Variants in RABL6 observed in about 807,000 individuals in gnomAD.
The protein encoded by RABL6 is RAB, member RAS oncogene family like 6.
A neutral mutation model predicts 72.9 loss-of-function variants in RABL6; 28 were observed. The ratio of observed to expected loss-of-function variants is 0.38; its 90% CI spans 0.28 to 0.53. The LOEUF (loss-of-function observed/expected upper bound fraction) is 0.53. Ranked by LOEUF, RABL6 falls within the 20% of genes least tolerant of loss-of-function variation. The pLI, the probability that RABL6 is intolerant of heterozygous loss-of-function variation, is 0.80. For missense variants in RABL6, 1,029 were observed against 1,008.4 expected, an observed-to-expected ratio of 1.02 and a Z score of -0.28; for synonymous variants, 477 against 421.2, an observed-to-expected ratio of 1.13 and a Z score of -1.62.
At chr9:136,821,466 G>A (rs1232003341) in intron 1 of RABL6, 13 of 985,318 alleles carry the variant, frequency 1.3e-5, no homozygotes, top group African/African-American at 5.2e-5. Flanking sequence ...CCGCGGGACG[G>A]ACGTGGATGG....
At chr9:136,837,159 G>C in intron 8 of RABL6, 187 bp from the exon 9 acceptor site, 1 of 743,230 alleles carries the variant, frequency 1.3e-6, no homozygotes, top group Non-Finnish European at 2.4e-6. Context: ...ACAGGCATGA[G>C]CCACCGTGCC....
chr9:136,831,269 C>T (rs1473692580), intron 5 of RABL6, among the ~76,000 whole-genome samples: 3 of 152,224 alleles, frequency 2.0e-5, no homozygotes, highest in African/African-American at 7.2e-5. Context: ...AAACAGCCCG[C>T]TTCACCGGCA....
intron 5 of RABL6, among the ~76,000 whole-genome samples, chr9:136,829,733 C>A (rs550251522): frequency 6.6e-6 from 1 of 152,378 alleles, no homozygotes; most frequent in South Asian, 2.1e-4. Flanking sequence ...GGGCAAGGCA[C>A]GCACCTTCCA....
rs2131145404 is a variant in RABL6 at position 136,808,090 on chromosome 9, G to A, written c.-107G>A. ...CCCGGCCTCTGGCCGCGCCGGCTCC[G>A]GCCTCCGGGGGGGCCGGGGCCGCCG... On this transcript the variant is annotated 5_prime_UTR_variant, in exon 1 of 15. Transcript: ENST00000311502. The A allele has an allele frequency of 8.3e-7, 1 of 1,210,600 alleles. No homozygotes were observed. The highest frequency in any genetic ancestry group is 3.0e-5 in the South Asian group (1 of 33,424). The allele number at this position is 1,210,600 out of a possible 1,614,324, so 75.0% of individuals were successfully genotyped here. A position where few individuals can be genotyped will look rare whatever the true frequency, so the allele number is the denominator to read the frequency against.
intron 1 of RABL6, among the ~76,000 whole-genome samples, chr9:136,810,355 C>CA (rs754640449): frequency 6.6e-6 from 1 of 152,056 alleles, no homozygotes; most frequent in Non-Finnish European, 1.5e-5. Context: ...AGCCAGTCTC[C>CA]AGTACTTGGA....
intron 10 of RABL6, among the ~76,000 whole-genome samples, chr9:136,838,551 C>T (rs1588373714): frequency 6.6e-6 from 1 of 152,378 alleles, no homozygotes; most frequent in African/African-American, 2.4e-5. Flanking sequence ...GGCCTCAGCA[C>T]CTCAGCCTCA....
At chr9:136,812,904 C>G (rs1157470208) in intron 1 of RABL6, 1 of 353,160 alleles carries the variant, frequency 2.8e-6, no homozygotes, top group African/African-American at 2.2e-5. Flanking sequence ...CTTCCTCTAC[C>G]TCCATCACAA....
In RABL6 at chr9:136,808,268, G is replaced by T; in HGVS notation, c.72G>T (p.Gly24=). ...GCCGGGACAAGAACATCCCCGCCGG[G>T]CTGCAGTCCATGAACCAGGCGTTGC... ...APGRDKNIPA[G]LQSMNQALQR... Residue 24 remains glycine, a synonymous_variant, in exon 1 of 15, where the codon GGG becomes GGT. Transcript: ENST00000311502. 1.9e-6 allele frequency: 3 copies of T among 1,566,726 alleles called. No homozygotes were observed. Among genetic ancestry groups the T allele is most frequent in the South Asian group, 1.2e-5 (1 of 86,746 alleles).
intron 7 of RABL6, chr9:136,833,677 C>A: frequency 6.5e-7 from 1 of 1,548,616 alleles, no homozygotes; most frequent in Non-Finnish European, 8.7e-7. Context: ...TCTGGGGGAC[C>A]TGGGGCCCAG....
At chr9:136,825,414 C>CTGGGAGGGAGGGG (rs1324562841) in intron 2 of RABL6, among the ~76,000 whole-genome samples, 2 of 123,612 alleles carry the variant, frequency 1.6e-5, no homozygotes, top group African/African-American at 6.1e-5. Context: ...GGATCGGGGC[C>CTGGGAGGGAGGGG]CGGGAGGGAG....
chr9:136,833,443 C>A, intron 7 of RABL6: 1 of 450,818 alleles, frequency 2.2e-6, no homozygotes, highest in African/African-American at 2.1e-5. Flanking sequence ...GCTGCCCCAG[C>A]TGGGTCTGGG....
Position 136,841,186 on chromosome 9 carries a change from T to G in RABL6, c.*664T>G, listed in dbSNP as rs944054252. On this transcript the variant is annotated 3_prime_UTR_variant, in exon 15 of 15. Coordinates refer to ENST00000311502, the MANE Select transcript of RABL6 (RefSeq NM_024718.5). ...ACCATAAAGCACTCCTGTTTCACTC[T>G]GCGTGTGTCTGTTCTTCTGCCTGTA... 1 of 616,148 alleles carries G rather than the reference T, an allele frequency of 1.6e-6. No individual in the cohort carries two copies. Among genetic ancestry groups the G allele is most frequent in the African/African-American group, 1.9e-5 (1 of 52,536 alleles). 38.2% of individuals were successfully genotyped at this position (616,148 alleles called of 1,614,324 possible).
intron 1 of RABL6, among the ~76,000 whole-genome samples, chr9:136,810,379 TCTC>T (rs1847983167): frequency 6.6e-6 from 1 of 152,152 alleles, no homozygotes; most frequent in South Asian, 2.1e-4. Context: ...CAGGTTATGA[TCTC>T]CTAGAACTGA....
chr9:136,822,157 C>A, intron 1 of RABL6: 2 of 1,183,186 alleles, frequency 1.7e-6, no homozygotes, highest in Non-Finnish European at 2.2e-6. Flanking sequence ...CGGGCGCCCT[C>A]TGCGTTGGGA....
chr9:136,839,324 G>A lies in RABL6; in HGVS notation c.1596G>A (p.Lys532=), dbSNP rs1848643509. 6.2e-7 allele frequency: 1 copy of A among 1,612,580 alleles called. No individual in the cohort carries two copies. Among genetic ancestry groups the A allele is most frequent in the Non-Finnish European group, 8.5e-7 (1 of 1,179,778 alleles). The change falls in exon 12 of 15, where the codon AAG becomes AAA. Residue 532 remains lysine, a synonymous_variant. Coordinates refer to ENST00000311502, the MANE Select transcript of RABL6 (RefSeq NM_024718.5). ...GGVSVRTGPE[K]RSSTRPPAEM... is the part of the protein sequence containing the mutation. ...TCTCTGTTCGCACAGGTCCGGAGAA[G>A]CGCAGCAGCACCAGGCCCCCTGCTG...
chr9:136,834,063 T>G, intron 7 of RABL6: 1 of 1,438,290 alleles, frequency 7.0e-7, no homozygotes, highest in Non-Finnish European at 9.2e-7. Flanking sequence ...TGACTATCCT[T>G]TTGCTATGGA....
intron 7 of RABL6, chr9:136,833,114 C>T: frequency 8.0e-6 from 2 of 249,754 alleles, no homozygotes; most frequent in South Asian, 3.3e-5. Context: ...GGGACCTGAA[C>T]CTCCTCGCCC....
intron 7 of RABL6, chr9:136,833,917 C>G: frequency 1.3e-6 from 2 of 1,550,254 alleles, no homozygotes. Flanking sequence ...GGGTTGATTA[C>G]TCCTTAGAGA....
At chr9:136,837,000 A>G (rs1848594726) in intron 8 of RABL6, 2 of 406,116 alleles carry the variant, frequency 4.9e-6, no homozygotes, top group Non-Finnish European at 9.4e-6. Context: ...CAGCCTCCCA[A>G]GTAGCTGGGG....
Sources: gnomAD v4.1 joint callset for allele counts (sites outside exome capture counted in the v4.1 genomes callset) on GRCh38, gnomAD v4.1.1 for gene constraint, MANE v1.5 for transcripts, NCBI Gene and HGNC (gene_info 2026-07-23, HGNC 2026-07-21) for gene names.